CCSER1: variants seen among roughly 807,000 people sequenced by gnomAD.
CCSER1 encodes serine-rich coiled-coil domain-containing protein 1.
A neutral mutation model predicts 82.0 loss-of-function variants in CCSER1; 41 were observed. That is an observed-to-expected ratio of 0.50 (90% CI 0.39 to 0.65). The LOEUF is 0.65. Among genes scored for constraint, CCSER1 ranks in the 30% least tolerant of loss-of-function variants. The pLI is 0.00. For missense variants in CCSER1, 1,119 were observed against 1,064.2 expected (o/e 1.05, Z -0.72); for synonymous variants, 414 against 383.9 (o/e 1.08, Z -0.92).
chr4:91,504,920 T>C (rs921659130), intron 10 of CCSER1, among the ~76,000 whole-genome samples: 3 of 152,218 alleles, frequency 2.0e-5, no homozygotes, highest in Non-Finnish European at 4.4e-5. Context: ...TTTTTACCTC[T>C]CAAATTATTT....
chr4:90,746,105 A>G (rs929598353), intron 7 of CCSER1, among the ~76,000 whole-genome samples: 4 of 152,164 alleles, frequency 2.6e-5, no homozygotes, highest in Non-Finnish European at 5.9e-5. Flanking sequence ...TCCTCCCTGA[A>G]GCCTCAAAGT....
chr4:90,968,271 C>T (rs1006173498), intron 9 of CCSER1, among the ~76,000 whole-genome samples: 3 of 151,786 alleles, frequency 2.0e-5, no homozygotes, highest in Non-Finnish European at 4.4e-5. Context: ...TAAAAAAGAG[C>T]CAAGAACTCC....
intron 5 of CCSER1, among the ~76,000 whole-genome samples, chr4:90,551,706 C>CTCTCTCTATATATATATATATA: frequency 4.0e-4 from 42 of 104,228 alleles, no homozygotes; most frequent in Non-Finnish European, 5.0e-4. Context: ...CTCTCTCTCT[C>CTCTCTCTATATATATATATATA]TATATATATA....
intron 10 of CCSER1, among the ~76,000 whole-genome samples, chr4:91,227,813 A>G (rs1279652071): frequency 1.3e-5 from 2 of 152,004 alleles, no homozygotes; most frequent in Admixed American, 1.3e-4. Context: ...AGGGTCCATG[A>G]AATTTTGTGT....
chr4:90,574,613 A>G (rs1021695528), intron 5 of CCSER1, among the ~76,000 whole-genome samples: 2 of 151,956 alleles, frequency 1.3e-5, no homozygotes, highest in African/African-American at 4.8e-5. Context: ...TGTTATCAGC[A>G]TTGTGAGGAC....
At chr4:90,158,417 A>G (rs1195981003) in intron 1 of CCSER1, among the ~76,000 whole-genome samples, 1 of 152,202 alleles carries the variant, frequency 6.6e-6, no homozygotes, top group Non-Finnish European at 1.5e-5. Context: ...GCTGTCAGAC[A>G]GGGACATTTA....
chr4:90,465,245 A>AACC (rs1763468016), intron 4 of CCSER1, among the ~76,000 whole-genome samples: 3 of 151,816 alleles, frequency 2.0e-5, no homozygotes, highest in Admixed American at 2.0e-4. Context: ...TACAAGTGTG[A>AACC]ACCACCGCCT....
chr4:90,858,362 C>G (rs539808149), intron 8 of CCSER1, among the ~76,000 whole-genome samples: 10 of 152,008 alleles, frequency 6.6e-5, no homozygotes, highest in Admixed American at 5.3e-4. Flanking sequence ...CAGAGCGTAC[C>G]AGGTTTTCTC....
intron 10 of CCSER1, among the ~76,000 whole-genome samples, chr4:91,102,089 G>T (rs1725126256): frequency 6.6e-6 from 1 of 152,172 alleles, no homozygotes; most frequent in Admixed American, 6.5e-5. Flanking sequence ...AGCTCGTGCA[G>T]ATCGGTTTCA....
chr4:91,009,316 C>T (rs1011932374), intron 9 of CCSER1, among the ~76,000 whole-genome samples: 1 of 152,134 alleles, frequency 6.6e-6, no homozygotes, highest in Non-Finnish European at 1.5e-5. Context: ...GATCATTGTC[C>T]CTCTCCCAGT....
In CCSER1 at chr4:91,598,682, C is replaced by T. The variant is rs1399894261; in HGVS notation, c.2328C>T (p.Ser776=). The change falls in exon 11 of 11, where the codon AGC becomes AGT. Residue 776 remains serine (S), a synonymous_variant. Transcript: ENST00000509176. ...GGTATTCGGCAGCGGACCAGACAAGCCCCTACAAAAACAAGACCTGTCAAC... is the reference window on the plus strand; with the variant it reads ...GGTATTCGGCAGCGGACCAGACAAGTCCCTACAAAAACAAGACCTGTCAAC... ...RFRYSAADQT[S]PYKNKTCQLP... is the part of the protein sequence containing the mutation. 1 of 1,551,396 alleles carries T rather than the reference C, an allele frequency of 6.4e-7. No individual in the cohort carries two copies. The highest frequency in any genetic ancestry group is 8.7e-7 in the Non-Finnish European group (1 of 1,146,908).
chr4:91,380,223 G>T (rs1036830825), intron 10 of CCSER1, among the ~76,000 whole-genome samples: 1 of 152,180 alleles, frequency 6.6e-6, no homozygotes, highest in African/African-American at 2.4e-5. Context: ...TATATATTCT[G>T]TTGATTTGGG....
chr4:90,486,206 C>A (rs941489734), intron 5 of CCSER1, among the ~76,000 whole-genome samples: 7 of 152,142 alleles, frequency 4.6e-5, no homozygotes, highest in African/African-American at 1.2e-4. Context: ...ATAATCAATT[C>A]TTTTCCTCCT....
chr4:90,551,700 CTCTCTCTA>C (rs1297859533), intron 5 of CCSER1, among the ~76,000 whole-genome samples: 2 of 117,184 alleles, frequency 1.7e-5, no homozygotes, highest in African/African-American at 8.4e-5. Flanking sequence ...CTCTCTCTCT[CTCTCTCTA>C]TATATATATA....
chr4:90,129,198 G>C (rs148536293), intron 1 of CCSER1, among the ~76,000 whole-genome samples: 2 of 152,220 alleles, frequency 1.3e-5, no homozygotes, highest in Admixed American at 6.5e-5. Flanking sequence ...AGTAAAGCTG[G>C]TTTTATTAAC....
chr4:91,463,984 A>C (rs922312960), intron 10 of CCSER1, among the ~76,000 whole-genome samples: 1 of 152,162 alleles, frequency 6.6e-6, no homozygotes, highest in Admixed American at 6.5e-5. Flanking sequence ...CCAACATTCA[A>C]ATTCAGGAAA....
chr4:90,191,275 G>C (rs1373283648), intron 1 of CCSER1, among the ~76,000 whole-genome samples: 1 of 151,886 alleles, frequency 6.6e-6, no homozygotes. Flanking sequence ...TTTCATAACT[G>C]CATTGTAACA....
intron 9 of CCSER1, among the ~76,000 whole-genome samples, chr4:90,975,448 A>T (rs1735523222): frequency 1.3e-5 from 2 of 151,272 alleles, no homozygotes; most frequent in African/African-American, 4.8e-5. Flanking sequence ...ATATACAATA[A>T]TTTTTTTCTA....
At chr4:90,889,181 A>G (rs1722600327) in intron 8 of CCSER1, among the ~76,000 whole-genome samples, 1 of 152,204 alleles carries the variant, frequency 6.6e-6, no homozygotes, top group Non-Finnish European at 1.5e-5. Flanking sequence ...AATGATTTCA[A>G]TTCATACACT....
Sources: allele counts gnomAD v4.1 joint callset (sites outside exome capture counted in the v4.1 genomes callset), GRCh38; gene constraint gnomAD v4.1.1; transcripts MANE v1.5; gene names NCBI Gene and HGNC (gene_info 2026-07-23, HGNC 2026-07-21).